KCNG3: variants seen among roughly 807,000 people sequenced by gnomAD.
The protein encoded by KCNG3 is voltage-gated potassium channel regulatory subunit KCNG3.
Under a neutral mutation model 29.0 loss-of-function variants are expected in KCNG3, and 15 were observed. The ratio of observed to expected loss-of-function variants is 0.52; its 90% CI spans 0.35 to 0.80. The LOEUF (loss-of-function observed/expected upper bound fraction) is 0.80. Among genes scored for constraint, KCNG3 ranks in the 30% least tolerant of loss-of-function variants. KCNG3 has a pLI of 0.01. For missense variants in KCNG3, 512 were observed against 605.7 expected, an observed-to-expected ratio of 0.85 and a Z score of 1.62; for synonymous variants, 322 against 248.9, an observed-to-expected ratio of 1.29 and a Z score of -2.76.
chr2:42,471,627 A>C (rs886926966), intron 1 of KCNG3, among the ~76,000 whole-genome samples: 1 of 152,184 alleles, frequency 6.6e-6, no homozygotes, highest in Non-Finnish European at 1.5e-5. Flanking sequence ...GAAATGGTAA[A>C]TTTTGTTACA....
At position 42,462,712 on chromosome 2, in the gene KCNG3, A is replaced by G. The variant is rs549533859; in HGVS notation, c.666-18133T>C. On this transcript the variant is annotated intron_variant, in intron 1 of 1. Coordinates refer to ENST00000306078, the MANE Select transcript of KCNG3 (RefSeq NM_133329.6). ...TAAATAAATAAATAATAAAAATTAA[A>G]AAGTCTTTGTCAGGTGAATTTGTAC... is the stretch of plus-strand genomic sequence containing the variant. Among the ~76,000 whole-genome samples the G allele has an allele frequency of 6.1e-4, 93 of 152,264 alleles. 1 individual carries two copies. The highest frequency in any genetic ancestry group is 4.4e-3 in the South Asian group (21 of 4,814).
At chr2:42,466,693 A>G (rs1344236068) in intron 1 of KCNG3, among the ~76,000 whole-genome samples, 1 of 151,962 alleles carries the variant, frequency 6.6e-6, no homozygotes, top group Non-Finnish European at 1.5e-5. Context: ...GTAGACTGGT[A>G]CAAAAGTTAA....
chr2:42,402,623 GA>G, the KCNG3 span, among the ~76,000 whole-genome samples: 1 of 152,142 alleles, frequency 6.6e-6, no homozygotes, highest in Non-Finnish European at 1.5e-5. Flanking sequence ...TCTTTTTATA[GA>G]AAGTCAATTT....
At chr2:42,428,449 C>A in the KCNG3 span, among the ~76,000 whole-genome samples, 1 of 125,414 alleles carries the variant, frequency 8.0e-6, no homozygotes. Context: ...TGAGAGAGAC[C>A]CGGTCTCGGG....
intron 1 of KCNG3, among the ~76,000 whole-genome samples, chr2:42,482,973 T>C (rs760220493): frequency 9.9e-5 from 15 of 151,602 alleles, no homozygotes; most frequent in Non-Finnish European, 2.9e-5. Context: ...ATATAAAAAT[T>C]AGCCAGGCAC....
chr2:42,399,280 A>G, the KCNG3 span, among the ~76,000 whole-genome samples: 1 of 150,270 alleles, frequency 6.7e-6, no homozygotes, highest in Non-Finnish European at 1.5e-5. Context: ...CTGGTCTTGA[A>G]CTCCTGGACT....
the KCNG3 span, among the ~76,000 whole-genome samples, chr2:42,403,957 C>A: frequency 6.6e-6 from 1 of 152,118 alleles, no homozygotes; most frequent in Non-Finnish European, 1.5e-5. Flanking sequence ...CTCTCTTTAT[C>A]CAGTTTTGAT....
chr2:42,481,038 C>A (rs1301592711), intron 1 of KCNG3, among the ~76,000 whole-genome samples: 1 of 152,200 alleles, frequency 6.6e-6, no homozygotes, highest in Non-Finnish European at 1.5e-5. Context: ...GCCTCACCCT[C>A]CCAAAGTGCT....
chr2:42,475,646 TA>T (rs753198436), intron 1 of KCNG3, among the ~76,000 whole-genome samples: 1,805 of 135,986 alleles, frequency 0.013, 17 homozygotes, highest in African/African-American at 0.03. Flanking sequence ...TCTGTCTCTT[TA>T]AAAAAAAAAA....
rs1672547305 is a variant in KCNG3 at position 42,444,205 on chromosome 2, C to T, written c.1040G>A (p.Gly347Glu). The T allele has an allele frequency of 6.2e-7, 1 of 1,613,920 alleles. No individual in the cohort carries two copies. The highest frequency in any genetic ancestry group is 1.3e-5 in the African/African-American group (1 of 74,868). The part of the protein sequence containing the change: ...FSALSQLLEH[G>E]LDLETSNKDF... ...CTTGTTGGATGTTTCCAGGTCCAGC[C>T]CATGTTCAAGAAGCTGAGAAAGTGC... is the stretch of plus-strand genomic sequence containing the variant. Residue 347 changes from glycine (G) to glutamate (E), a missense_variant, in exon 2 of 2, where the codon GGG (glycine) becomes GAG (glutamate). By Grantham distance (98) the Gly-to-Glu change is moderately conservative (BLOSUM62 -2). Coordinates refer to ENST00000306078, the MANE Select transcript of KCNG3 (RefSeq NM_133329.6). This position sits in a 1 kb window ranked among gnomAD's most constrained non-coding sequence, Gnocchi z 5.8.
intron 1 of KCNG3, among the ~76,000 whole-genome samples, chr2:42,470,621 T>C (rs1020245029): frequency 9.2e-5 from 14 of 152,186 alleles, no homozygotes; most frequent in African/African-American, 3.4e-4. Flanking sequence ...ACAACTGTAA[T>C]CCCAGCACTT....
chr2:42,476,864 G>A (rs1348013133), intron 1 of KCNG3, among the ~76,000 whole-genome samples: 1 of 150,940 alleles, frequency 6.6e-6, no homozygotes, highest in South Asian at 2.1e-4. Context: ...CCCATGATTA[G>A]AGTCATTCAC....
intron 1 of KCNG3, among the ~76,000 whole-genome samples, chr2:42,488,958 G>C (rs193238569): frequency 6.6e-6 from 1 of 151,936 alleles, no homozygotes; most frequent in Non-Finnish European, 1.5e-5. Context: ...CAATTTTTGC[G>C]GTAGTGGAGA....
intron 1 of KCNG3, among the ~76,000 whole-genome samples, chr2:42,449,887 A>T (rs905238070): frequency 6.6e-6 from 1 of 152,132 alleles, no homozygotes; most frequent in Non-Finnish European, 1.5e-5. Context: ...GCTTGTGGGT[A>T]AGATGTACCA....
chr2:42,393,562 AAAAC>A, the KCNG3 span, among the ~76,000 whole-genome samples: 83 of 152,096 alleles, frequency 5.5e-4, no homozygotes, highest in African/African-American at 1.9e-3. Flanking sequence ...CTCTGTCTCA[AAAAC>A]AAACAAACAA....
At chr2:42,460,807 G>A (rs909266557) in intron 1 of KCNG3, among the ~76,000 whole-genome samples, 2 of 152,004 alleles carry the variant, frequency 1.3e-5, no homozygotes, top group African/African-American at 4.8e-5. Flanking sequence ...AAAACAAAAG[G>A]CACCCCAAAA....
the KCNG3 span, among the ~76,000 whole-genome samples, chr2:42,411,406 G>A: frequency 7.2e-5 from 11 of 152,180 alleles, no homozygotes; most frequent in South Asian, 2.1e-4. Flanking sequence ...CCAAGCACAC[G>A]CAAAGTTTTT....
At chr2:42,489,077 T>C (rs1673806845) in intron 1 of KCNG3, among the ~76,000 whole-genome samples, 1 of 151,772 alleles carries the variant, frequency 6.6e-6, no homozygotes, top group African/African-American at 2.4e-5. Flanking sequence ...GTAGGATTGC[T>C]TGAAGCCAGG....
intron 1 of KCNG3, among the ~76,000 whole-genome samples, chr2:42,465,826 C>T (rs936979526): frequency 1.3e-5 from 2 of 152,090 alleles, no homozygotes; most frequent in African/African-American, 4.8e-5. Flanking sequence ...TGTGGACAAA[C>T]ATTTCACATA....
Sources: allele counts gnomAD v4.1 joint callset (sites outside exome capture counted in the v4.1 genomes callset), GRCh38; gene constraint gnomAD v4.1.1; non-coding constraint Gnocchi (gnomAD v3.1); transcripts MANE v1.5; gene names NCBI Gene and HGNC (gene_info 2026-07-23, HGNC 2026-07-21).